Variants in TENM2 observed in about 807,000 individuals in gnomAD.
TENM2 encodes the protein teneurin transmembrane protein 2.
TENM2 carries 52 observed loss-of-function variants against 245.2 expected under a neutral mutation model. The observed-to-expected ratio is 0.21, with a 90% CI of 0.17 to 0.27. The LOEUF (loss-of-function observed/expected upper bound fraction) is 0.27. Among genes scored for constraint, TENM2 ranks in the 10% least tolerant of loss-of-function variants. The pLI is 1.00. For synonymous variants in TENM2, 1,363 were observed against 1,438.9 expected, an observed-to-expected ratio of 0.95 and a Z score of 1.19; for missense variants, 3,046 against 3,666.8, an observed-to-expected ratio of 0.83 and a Z score of 4.37.
chr5:168,208,069 A>G (rs896178860), intron 19 of TENM2, among the ~76,000 whole-genome samples: 3 of 152,098 alleles, frequency 2.0e-5, no homozygotes, highest in Non-Finnish European at 2.9e-5. Flanking sequence ...AGCAGAGTAA[A>G]TTTGTCAGTC....
chr5:167,503,753 G>A (rs1445886635), intron 2 of TENM2, among the ~76,000 whole-genome samples: 1 of 152,070 alleles, frequency 6.6e-6, no homozygotes, highest in Non-Finnish European at 1.5e-5. Flanking sequence ...AATTAGCCAG[G>A]CCCAGTGGCC....
chr5:167,197,246 C>T, the TENM2 span, among the ~76,000 whole-genome samples: 2 of 152,246 alleles, frequency 1.3e-5, no homozygotes, highest in African/African-American at 4.8e-5. Context: ...TTCAAACCCA[C>T]AGCTGTCTCC....
chr5:167,950,848 A>C (rs2151831784), intron 3 of TENM2, among the ~76,000 whole-genome samples: 1 of 152,336 alleles, frequency 6.6e-6, no homozygotes, highest in East Asian at 1.9e-4. Flanking sequence ...ATATATTTAA[A>C]ATGTCACTGA....
At chr5:168,184,458 C>T (rs186526020) in intron 13 of TENM2, among the ~76,000 whole-genome samples, 10 of 152,286 alleles carry the variant, frequency 6.6e-5, no homozygotes, top group Non-Finnish European at 1.3e-4. Context: ...CCTTTAATAC[C>T]TAGGAAAGCC....
At chr5:167,364,822 C>A (rs1759943861) in intron 1 of TENM2, among the ~76,000 whole-genome samples, 1 of 150,390 alleles carries the variant, frequency 6.6e-6, no homozygotes, top group Non-Finnish European at 1.5e-5. Context: ...GAATAAAAGA[C>A]AAAGCAAAAT....
At chr5:167,440,879 AGCGC>A in intron 2 of TENM2, among the ~76,000 whole-genome samples, 1 of 630 alleles carries the variant, frequency 1.6e-3, no homozygotes, top group East Asian at 0.17. Flanking sequence ...TTAGAAAGGC[AGCGC>A]AGCACTGTTT....
chr5:167,466,302 C>T (rs145129570), intron 2 of TENM2, among the ~76,000 whole-genome samples: 129 of 152,340 alleles, frequency 8.5e-4, no homozygotes, highest in African/African-American at 3.0e-3. Flanking sequence ...CTCCTCCCTA[C>T]TTGTGTTGTC....
chr5:167,482,427 C>A (rs1006494230), intron 2 of TENM2, among the ~76,000 whole-genome samples: 2 of 151,910 alleles, frequency 1.3e-5, no homozygotes, highest in Non-Finnish European at 2.9e-5. Context: ...GGGTTTTGAA[C>A]CCCCCTCCTT....
chr5:167,140,996 C>T, the TENM2 span, among the ~76,000 whole-genome samples: 2 of 152,050 alleles, frequency 1.3e-5, no homozygotes, highest in African/African-American at 4.8e-5. Flanking sequence ...GCCAATAAAC[C>T]TTGCGTATTT....
chr5:167,727,466 CA>C (rs1760107115), intron 2 of TENM2, among the ~76,000 whole-genome samples: 1 of 152,202 alleles, frequency 6.6e-6, no homozygotes, highest in African/African-American at 2.4e-5. Context: ...CTCCCCTAGG[CA>C]TCTACTGAGT....
At chr5:168,099,212 GT>G (rs765623546) in intron 9 of TENM2, among the ~76,000 whole-genome samples, 2 of 150,988 alleles carry the variant, frequency 1.3e-5, no homozygotes, top group Non-Finnish European at 3.0e-5. Flanking sequence ...GCCCGGCCTC[GT>G]TTTTTTTTAA....
At chr5:167,207,865 T>C in the TENM2 span, among the ~76,000 whole-genome samples, 1 of 152,198 alleles carries the variant, frequency 6.6e-6, no homozygotes, top group Non-Finnish European at 1.5e-5. Flanking sequence ...GTGATTCTCC[T>C]GTCTCAGCCT....
the TENM2 span, among the ~76,000 whole-genome samples, chr5:167,015,333 G>A: frequency 6.6e-6 from 1 of 152,132 alleles, no homozygotes; most frequent in Non-Finnish European, 1.5e-5. Flanking sequence ...GAACACTTAT[G>A]ATCATTTTTA....
At chr5:167,736,777 C>A (rs920383718) in intron 2 of TENM2, among the ~76,000 whole-genome samples, 1 of 151,800 alleles carries the variant, frequency 6.6e-6, no homozygotes, top group Admixed American at 6.6e-5. Context: ...GGTGAGGGAG[C>A]CCCGGTGGGA....
chr5:168,232,551 G>A (rs1266721184), intron 25 of TENM2, among the ~76,000 whole-genome samples: 1 of 152,208 alleles, frequency 6.6e-6, no homozygotes, highest in African/African-American at 2.4e-5. Context: ...GAGAATGTGT[G>A]GGTATCATGC....
rs1047986816 is a variant in TENM2 at position 167,982,578 on chromosome 5, A to AT, written c.948-10359dup. The stretch of plus-strand genomic sequence containing the variant: ...GGATGTAAATATTGCTATTGTCTCT[A>AT]TTTTTTTAGAGGAGGCATCTGAGGA... On this transcript the variant is annotated intron_variant, in intron 4 of 28. Coordinates refer to ENST00000518659, the Ensembl canonical transcript of TENM2. Among the ~76,000 whole-genome samples the AT allele has an allele frequency of 2.6e-5, 4 of 151,832 alleles. No individual in the cohort carries two copies. The South Asian group carries it at 6.3e-4, about 24-fold the overall frequency.
At chr5:167,561,630 G>A (rs1016718572) in intron 2 of TENM2, among the ~76,000 whole-genome samples, 10 of 152,168 alleles carry the variant, frequency 6.6e-5, no homozygotes, top group African/African-American at 2.2e-4. Context: ...TCCCAAGAAG[G>A]TATTAATTTC....
chr5:168,054,069 A>G (rs1392718082), intron 6 of TENM2, among the ~76,000 whole-genome samples: 1 of 152,262 alleles, frequency 6.6e-6, no homozygotes, highest in Non-Finnish European at 1.5e-5. Flanking sequence ...CTGAAGAGTC[A>G]TAGGTATAAA....
chr5:167,092,619 C>A, the TENM2 span, among the ~76,000 whole-genome samples: 1 of 152,204 alleles, frequency 6.6e-6, no homozygotes, highest in African/African-American at 2.4e-5. Context: ...CTCTTATTAT[C>A]CCCATTTAAT....
Sources: gnomAD v4.1 joint callset for allele counts (sites outside exome capture counted in the v4.1 genomes callset) on GRCh38, gnomAD v4.1.1 for gene constraint, MANE v1.5 for transcripts, NCBI Gene and HGNC (gene_info 2026-07-23, HGNC 2026-07-21) for gene names.